Variants in ADAMTSL1 observed in about 807,000 individuals in gnomAD.
The protein encoded by ADAMTSL1 is ADAMTS-like protein 1.
A neutral mutation model predicts 201.8 loss-of-function variants in ADAMTSL1; 126 were observed. That is an observed-to-expected ratio of 0.62 (90% CI 0.54 to 0.72). The LOEUF (loss-of-function observed/expected upper bound fraction) is 0.72, where lower values mean the gene tolerates loss of function less well. Ranked by LOEUF, ADAMTSL1 falls within the 30% of genes least tolerant of loss-of-function variation. The pLI is 0.00. For missense variants in ADAMTSL1, 2,679 were observed against 2,277.8 expected (o/e 1.18, Z -3.59); for synonymous variants, 1,121 against 903.4 (o/e 1.24, Z -4.32).
intron 14 of ADAMTSL1, among the ~76,000 whole-genome samples, chr9:18,719,621 C>G (rs905435969): frequency 2.0e-5 from 3 of 152,200 alleles, no homozygotes; most frequent in African/African-American, 7.2e-5. Context: ...ACCCTGGCCT[C>G]CCAAAGTGTT....
chr9:18,234,369 A>G (rs1157927630), intron 2 of ADAMTSL1, among the ~76,000 whole-genome samples: 1 of 152,196 alleles, frequency 6.6e-6, no homozygotes, highest in Non-Finnish European at 1.5e-5. Flanking sequence ...GTTGGATGGC[A>G]GCAGCTGAAA....
chr9:18,388,964 C>T (rs1468318051), intron 2 of ADAMTSL1, among the ~76,000 whole-genome samples: 1 of 151,934 alleles, frequency 6.6e-6, no homozygotes, highest in Admixed American at 6.6e-5. Context: ...ACCATCTTGG[C>T]TAGACTTGTC....
At chr9:18,230,505 G>A (rs1830608629) in intron 2 of ADAMTSL1, among the ~76,000 whole-genome samples, 1 of 152,102 alleles carries the variant, frequency 6.6e-6, no homozygotes, top group South Asian at 2.1e-4. Context: ...AGAATCTAAA[G>A]GGGAAAATGA....
intron 16 of ADAMTSL1, among the ~76,000 whole-genome samples, chr9:18,761,886 C>A (rs529098088): frequency 1.1e-4 from 17 of 152,218 alleles, no homozygotes; most frequent in Non-Finnish European, 1.0e-4. Flanking sequence ...TGGCTGCCTC[C>A]CATACCTGGA....
rs776046209 is a variant in ADAMTSL1, at chr9:18,314,782, C to CTTTTTTTTTTT, written c.207+150823_207+150833dup. On this transcript the variant is annotated intron_variant, in intron 2 of 29. Coordinates refer to the ADAMTSL1 transcript ENST00000680146. ...TGCCACTGCTGCCTTCGGCAGCGTG[C>CTTTTTTTTTTT]TTTTTTTTTTTTTTTTTTTTTTTTT... 4.2e-4 allele frequency among the ~76,000 whole-genome samples: 21 copies of CTTTTTTTTTTT among 49,852 alleles called. 4 individuals are homozygous for CTTTTTTTTTTT. The highest frequency in any genetic ancestry group is 6.2e-4 in the Admixed American group (2 of 3,252). 32.7% of individuals were successfully genotyped at this position (49,852 alleles called of 152,430 possible). A position where few individuals can be genotyped will look rare whatever the true frequency, so the allele number is the denominator to read the frequency against.
intron 1 of ADAMTSL1, among the ~76,000 whole-genome samples, chr9:18,067,043 C>T (rs1338399706): frequency 1.3e-5 from 2 of 151,864 alleles, no homozygotes; most frequent in Admixed American, 6.6e-5. Context: ...TGCTAAATGA[C>T]GAGTTAATGG....
At chr9:18,026,416 A>G (rs1820697908) in intron 1 of ADAMTSL1, among the ~76,000 whole-genome samples, 1 of 152,040 alleles carries the variant, frequency 6.6e-6, no homozygotes, top group Non-Finnish European at 1.5e-5. Context: ...TTACTTGTTG[A>G]AGGATACTGG....
intron 1 of ADAMTSL1, among the ~76,000 whole-genome samples, chr9:18,058,624 A>G (rs516164): frequency 0.058 from 8,768 of 152,232 alleles, 372 homozygotes; most frequent in Middle Eastern, 0.095. Flanking sequence ...CACATAAGAA[A>G]AACTGTAAAA....
At chr9:17,967,026 G>C (rs545051297) in intron 1 of ADAMTSL1, among the ~76,000 whole-genome samples, 30 of 152,182 alleles carry the variant, frequency 2.0e-4, no homozygotes, top group African/African-American at 6.7e-4. Flanking sequence ...TGAAATTCAG[G>C]TTGACTGAAA....
At chr9:17,937,618 TTCC>T in intron 1 of ADAMTSL1, among the ~76,000 whole-genome samples, 1 of 3,562 alleles carries the variant, frequency 2.8e-4, no homozygotes, top group African/African-American at 4.0e-4. Context: ...TTGATTTAAA[TTCC>T]TAAAATCTTG....
chr9:18,557,909 T>C (rs548022572), intron 3 of ADAMTSL1, among the ~76,000 whole-genome samples: 109 of 152,168 alleles, frequency 7.2e-4, no homozygotes, highest in Middle Eastern at 6.8e-3. Context: ...TGCCTGGTAA[T>C]TATATATAAT....
rs116102723 is a variant in ADAMTSL1 at position 18,123,193 on chromosome 9, A to T, written c.88-40669A>T. Among the ~76,000 whole-genome samples the T allele has an allele frequency of 9.7e-3, 1,481 of 152,336 alleles. 23 individuals are homozygous for T. The highest frequency in any genetic ancestry group is 0.032 in the African/African-American group (1,335 of 41,592). On this transcript the variant is annotated intron_variant, in intron 1 of 29. Transcript: ENST00000680146. ...AGAATTCTTAACTCCTAGTAACTAG[A>T]TATTCTAGCATATTTCATCTTCCAG...
intron 1 of ADAMTSL1, among the ~76,000 whole-genome samples, chr9:17,977,458 A>G (rs533222293): frequency 1.3e-5 from 2 of 152,074 alleles, no homozygotes; most frequent in South Asian, 2.1e-4. Context: ...TTGATTATTG[A>G]TTCAATCTCC....
chr9:18,056,009 C>G (rs1822164477), intron 1 of ADAMTSL1, among the ~76,000 whole-genome samples: 1 of 152,134 alleles, frequency 6.6e-6, no homozygotes, highest in Non-Finnish European at 1.5e-5. Flanking sequence ...GAGCTATTGA[C>G]CAGATAACCA....
At chr9:18,895,009 C>CA (rs1271652370) in intron 26 of ADAMTSL1, among the ~76,000 whole-genome samples, 1 of 152,144 alleles carries the variant, frequency 6.6e-6, no homozygotes, top group Non-Finnish European at 1.5e-5. Context: ...AAACAAAATA[C>CA]AAATTAAGCA....
At chr9:18,723,391 G>A in intron 15 of ADAMTSL1, 2 of 403,044 alleles carry the variant, frequency 5.0e-6, no homozygotes, top group Non-Finnish European at 9.2e-6. Flanking sequence ...CGAGGAGTCA[G>A]TGCCTGGGAC....
intron 3 of ADAMTSL1, among the ~76,000 whole-genome samples, chr9:18,538,115 G>A (rs1819905756): frequency 6.6e-6 from 1 of 152,118 alleles, no homozygotes; most frequent in Admixed American, 6.5e-5. Flanking sequence ...TCTGGAGAAT[G>A]GATGCAAAGC....
At chr9:18,427,399 C>G (rs1470659518) in intron 2 of ADAMTSL1, among the ~76,000 whole-genome samples, 4 of 152,200 alleles carry the variant, frequency 2.6e-5, no homozygotes, top group Non-Finnish European at 4.4e-5. Context: ...AACAGATTCT[C>G]AAGCTATGTC....
chr9:18,093,517 T>C (rs554075891), intron 1 of ADAMTSL1, among the ~76,000 whole-genome samples: 1 of 152,308 alleles, frequency 6.6e-6, no homozygotes, highest in South Asian at 2.1e-4. Flanking sequence ...TTCTTTTAGG[T>C]TTATGAAATT....
Sources: gnomAD v4.1 joint callset for allele counts (sites outside exome capture counted in the v4.1 genomes callset) on GRCh38, gnomAD v4.1.1 for gene constraint, MANE v1.5 for transcripts, NCBI Gene and HGNC (gene_info 2026-07-23, HGNC 2026-07-21) for gene names.